Variants in SEMA5A observed in about 807,000 individuals in gnomAD.
SEMA5A encodes semaphorin-5A.
In SEMA5A, 55 loss-of-function variants were observed where a neutral mutation model predicts 135.5. The observed-to-expected ratio is 0.41, with a 90% CI of 0.33 to 0.51. SEMA5A has a LOEUF of 0.51. Ranked by LOEUF, SEMA5A falls within the 20% of genes least tolerant of loss-of-function variation. The probability of loss-of-function intolerance (pLI) is 0.37; values close to 1 mark genes in which losing one functional copy is unlikely to be tolerated. For synonymous variants in SEMA5A, 580 were observed against 546.5 expected (o/e 1.06, Z -0.85); for missense variants, 1,290 against 1,419.9 (o/e 0.91, Z 1.47).
chr5:9,504,031 A>G (rs1323884660), intron 1 of SEMA5A, among the ~76,000 whole-genome samples: 3 of 152,042 alleles, frequency 2.0e-5, no homozygotes. Context: ...CCTGGCCAAC[A>G]TGGTGAAACC....
At chr5:9,399,130 T>C (rs1010473084) in intron 2 of SEMA5A, among the ~76,000 whole-genome samples, 1 of 152,194 alleles carries the variant, frequency 6.6e-6, no homozygotes, top group Non-Finnish European at 1.5e-5. Flanking sequence ...TCTGTTCACA[T>C]AAAACTTGTA....
At chr5:9,293,465 C>T (rs1373638887) in intron 5 of SEMA5A, among the ~76,000 whole-genome samples, 1 of 152,166 alleles carries the variant, frequency 6.6e-6, no homozygotes, top group Non-Finnish European at 1.5e-5. Flanking sequence ...GGGACACAAA[C>T]TTGAACTTTT....
intron 4 of SEMA5A, among the ~76,000 whole-genome samples, chr5:9,320,963 C>T (rs1330640256): frequency 1.3e-5 from 2 of 152,074 alleles, no homozygotes; most frequent in South Asian, 2.1e-4. Context: ...TTGGCTGTGT[C>T]CCCACCCAAA....
Position 9,122,693 on chromosome 5 carries a change from A to AC in SEMA5A, c.1743dup (p.Cys582ValfsTer65), listed in dbSNP as rs1740875802. The AC allele has an allele frequency of 6.2e-7, 1 of 1,610,698 alleles. No homozygotes were observed. On this transcript the variant is annotated frameshift_variant, in exon 14 of 23. Transcript: ENST00000382496. LOFTEE classifies it high-confidence loss of function. ...GCGATCTCCATGCCAGGGCCCTCGC[A>AC]CTGCCAGCCACCACACTGCGGGGCC...
intron 1 of SEMA5A, among the ~76,000 whole-genome samples, chr5:9,504,902 C>A (rs1274996213): frequency 1.3e-5 from 2 of 152,254 alleles, no homozygotes; most frequent in Non-Finnish European, 2.9e-5. Context: ...CTATCACCTT[C>A]TCCAAAGGCT....
chr5:9,049,951 A>G (rs551110944), intron 21 of SEMA5A, among the ~76,000 whole-genome samples: 10 of 152,324 alleles, frequency 6.6e-5, no homozygotes, highest in African/African-American at 2.4e-4. Flanking sequence ...GGAGATTGGA[A>G]GCTAGCTGCC....
At position 9,097,209 on chromosome 5, in the gene SEMA5A, T is replaced by C. The variant is rs1370507586; in HGVS notation, c.2073+10931A>G. Among the ~76,000 whole-genome samples, 4 of 152,080 alleles carry C rather than the reference T, an allele frequency of 2.6e-5. No homozygotes were observed. The South Asian group carries it at 6.2e-4, about 24-fold the overall frequency. ...TCACAAGTAGTAATACTGCCCCAGG[T>C]TTAAGTAGAGACCACACTTCCCTTA... On this transcript the variant is annotated intron_variant, in intron 16 of 22. Coordinates refer to ENST00000382496, the MANE Select transcript of SEMA5A (RefSeq NM_003966.3).
intron 5 of SEMA5A, among the ~76,000 whole-genome samples, chr5:9,247,665 C>T (rs1471908890): frequency 6.6e-6 from 1 of 152,112 alleles, no homozygotes; most frequent in Non-Finnish European, 1.5e-5. Flanking sequence ...TTACTTCCAG[C>T]TTGAGAACAT....
At chr5:9,228,110 C>T (rs1747419393) in intron 6 of SEMA5A, among the ~76,000 whole-genome samples, 1 of 152,140 alleles carries the variant, frequency 6.6e-6, no homozygotes, top group Non-Finnish European at 1.5e-5. Context: ...AAGTCTCAAT[C>T]CAGGCTCCTG....
chr5:9,168,085 G>A (rs928016073), intron 11 of SEMA5A, among the ~76,000 whole-genome samples: 10 of 152,156 alleles, frequency 6.6e-5, no homozygotes, highest in African/African-American at 2.4e-4. Flanking sequence ...TCCACTGAAA[G>A]TTGCCCAAGA....
intron 2 of SEMA5A, among the ~76,000 whole-genome samples, chr5:9,415,268 C>G (rs1757244098): frequency 6.6e-6 from 1 of 152,152 alleles, no homozygotes; most frequent in African/African-American, 2.4e-5. Flanking sequence ...TTAGAAGAAG[C>G]TTTGTACCAT....
chr5:9,456,249 A>G (rs1448101293), intron 1 of SEMA5A, among the ~76,000 whole-genome samples: 1 of 152,218 alleles, frequency 6.6e-6, no homozygotes, highest in Non-Finnish European at 1.5e-5. Flanking sequence ...GGCCATGCCA[A>G]GGAGGAAACT....
At position 9,384,630 on chromosome 5, in the gene SEMA5A, A is replaced by G. The variant is rs1316595504; in HGVS notation, c.-77-4607T>C. On this transcript the variant is annotated intron_variant, in intron 2 of 22. Coordinates refer to ENST00000382496, the MANE Select transcript of SEMA5A (RefSeq NM_003966.3). ...TAGATAGATAGATACATAGATAGAT[A>G]GATAGATAGATAGATAGATAGATAG... is the stretch of plus-strand genomic sequence containing the variant. Among the ~76,000 whole-genome samples, 89 of 116,286 alleles carry G rather than the reference A, an allele frequency of 7.7e-4. 3 individuals carry two copies. The highest frequency in any genetic ancestry group is 2.4e-3 in the African/African-American group (71 of 28,980). 76.3% of individuals were successfully genotyped at this position (116,286 alleles called of 152,430 possible).
chr5:9,131,462 C>A (rs1387860323), intron 13 of SEMA5A, among the ~76,000 whole-genome samples: 1 of 151,564 alleles, frequency 6.6e-6, no homozygotes, highest in African/African-American at 2.4e-5. Flanking sequence ...CAAAAAATTA[C>A]CCGGGTGTGG....
Position 9,038,053 on chromosome 5 carries a change from A to G in SEMA5A, c.*4844T>C, listed in dbSNP as rs1039544637. 1.3e-5 allele frequency: 2 copies of G among 152,202 alleles called. No homozygotes were observed. Among genetic ancestry groups the G allele is most frequent in the African/African-American group, 4.8e-5 (2 of 41,462 alleles). The allele number at this position is 152,202 out of a possible 1,614,324, so 9.4% of individuals were successfully genotyped here. A position where few individuals can be genotyped will look rare whatever the true frequency, so the allele number is the denominator to read the frequency against. ...TAAGCGTAGGTAATTGCAGATAACCATAGGTAATCAAATATTGGTAACGTT... is the reference window on the plus strand; with the variant it reads ...TAAGCGTAGGTAATTGCAGATAACCGTAGGTAATCAAATATTGGTAACGTT... On this transcript the variant is annotated 3_prime_UTR_variant, in exon 23 of 23. Coordinates refer to ENST00000382496, the MANE Select transcript of SEMA5A (RefSeq NM_003966.3).
intron 19 of SEMA5A, 91 bp downstream of exon 19, chr5:9,053,996 C>T: frequency 1.4e-6 from 2 of 1,420,780 alleles, no homozygotes; most frequent in Non-Finnish European, 1.9e-6. Flanking sequence ...CAGTACTTAC[C>T]ATGATGCAGT....
In SEMA5A at chr5:9,343,805, G is replaced by A. The variant is rs147892790; in HGVS notation, c.125-5993C>T. Among the ~76,000 whole-genome samples, 653 of 152,130 alleles carry A rather than the reference G, an allele frequency of 4.3e-3. 4 individuals are homozygous for A. Among genetic ancestry groups the A allele is most frequent in the African/African-American group, 0.015 (628 of 41,498 alleles). On this transcript the variant is annotated intron_variant, in intron 3 of 22. Coordinates refer to ENST00000382496, the MANE Select transcript of SEMA5A (RefSeq NM_003966.3). ...TCCTTCCCTTTCCTTTGCAGTTTGC[G>A]TTACCAGGCCTGTTACTTCAACAAC...
intron 5 of SEMA5A, among the ~76,000 whole-genome samples, chr5:9,275,034 A>T (rs1192370790): frequency 1.3e-5 from 2 of 152,084 alleles, no homozygotes; most frequent in Admixed American, 6.5e-5. Context: ...AAAATCAATG[A>T]ATCCAGGAGC....
At chr5:9,060,886 C>T (rs1430218245) in intron 18 of SEMA5A, among the ~76,000 whole-genome samples, 1 of 152,144 alleles carries the variant, frequency 6.6e-6, no homozygotes, top group East Asian at 1.9e-4. Context: ...TGTAAGAACT[C>T]AGAAAGTTGT....
Sources: allele counts gnomAD v4.1 joint callset (sites outside exome capture counted in the v4.1 genomes callset), GRCh38; gene constraint gnomAD v4.1.1; transcripts MANE v1.5; gene names NCBI Gene and HGNC (gene_info 2026-07-23, HGNC 2026-07-21).